Variants in IL6ST observed in about 807,000 individuals in gnomAD.
IL6ST encodes interleukin-6 receptor subunit beta.
In IL6ST, 24 loss-of-function variants were observed where a neutral mutation model predicts 91.3. That is an observed-to-expected ratio of 0.26 (90% CI 0.19 to 0.37). The LOEUF is 0.37. IL6ST is among the 10% of genes least tolerant of loss of function. The pLI, the probability that IL6ST is intolerant of heterozygous loss-of-function variation, is 1.00. For missense variants in IL6ST, 914 were observed against 1,078.5 expected, an observed-to-expected ratio of 0.85 and a Z score of 2.14; for synonymous variants, 351 against 373.6, an observed-to-expected ratio of 0.94 and a Z score of 0.70.
intron 1 of IL6ST, among the ~76,000 whole-genome samples, chr5:55,991,775 C>T (rs1754343949): frequency 6.6e-6 from 1 of 151,772 alleles, no homozygotes; most frequent in African/African-American, 2.4e-5. Context: ...CCTCAGACTC[C>T]TCCCTCAAGC....
At chr5:55,949,938 A>C (rs1397541878) in intron 14 of IL6ST, among the ~76,000 whole-genome samples, 1 of 152,190 alleles carries the variant, frequency 6.6e-6, no homozygotes, top group African/African-American at 2.4e-5. Context: ...ATGTTGGTTA[A>C]GTTTGCTTTA....
In IL6ST at chr5:55,982,824, G is replaced by A. The variant is rs1343568205; in HGVS notation, c.-103-13C>T. 4 of 398,096 alleles carry A rather than the reference G, an allele frequency of 1.0e-5. No homozygotes were observed. Among genetic ancestry groups the A allele is most frequent in the Non-Finnish European group, 1.8e-5 (4 of 225,890 alleles). 24.7% of individuals were successfully genotyped at this position (398,096 alleles called of 1,614,324 possible). ...CCATTGGGTTTCACTGTAAAGAGAG[G>A]AGAGTCTTGTTCAGAAGGCTGGCTT... is the stretch of plus-strand genomic sequence containing the variant. On this transcript the variant is annotated splice_polypyrimidine_tract_variant and intron_variant, in intron 1 of 16. Transcript: ENST00000381298.
intron 1 of IL6ST, among the ~76,000 whole-genome samples, chr5:55,985,441 C>T (rs1310105306): frequency 6.6e-6 from 1 of 150,674 alleles, no homozygotes; most frequent in African/African-American, 2.4e-5. Flanking sequence ...TGCTTGAACC[C>T]GGGAGGCAGA....
chr5:55,936,191 C>A lies in IL6ST; in HGVS notation c.*4891G>T, dbSNP rs1195012746. 8.8e-6 allele frequency: 2 copies of A among 227,040 alleles called. No homozygotes were observed. Among genetic ancestry groups the A allele is most frequent in the Admixed American group, 5.7e-5 (1 of 17,522 alleles). The allele number at this position is 227,040 out of a possible 1,614,324, so 14.1% of individuals were successfully genotyped here. The stretch of plus-strand genomic sequence containing the variant: ...AGTTTCATATACTACTTAGTAACCT[C>A]AAGAAGTAGCAGGAGGATGCCATGT... On this transcript the variant is annotated 3_prime_UTR_variant, in exon 17 of 17. Transcript: ENST00000381298.
intron 1 of IL6ST, among the ~76,000 whole-genome samples, chr5:55,986,575 T>TA (rs1228890340): frequency 6.6e-6 from 1 of 152,230 alleles, no homozygotes; most frequent in Non-Finnish European, 1.5e-5. Context: ...TAATTTGTGA[T>TA]ATGATTAGGT....
rs191156572 is a variant in IL6ST, at chr5:55,947,500, G to T, written c.1930C>A (p.Arg644=). Residue 644 remains arginine, a synonymous_variant, in exon 15 of 17, where the codon CGA becomes AGA. Coordinates refer to ENST00000381298, the MANE Select transcript of IL6ST (RefSeq NM_002184.4). ...ATGAATAAAGTTACTTACAGGTCTCGCTTATTAAAGCAGAACAGCACTCCC... is the reference window on the plus strand; with the variant it reads ...ATGAATAAAGTTACTTACAGGTCTCTCTTATTAAAGCAGAACAGCACTCCC... ...LLGVLFCFNK[R]DLIKKHIWPN... is the part of the protein sequence containing the mutation. The T allele has an allele frequency of 1.7e-5, 26 of 1,550,580 alleles. No homozygotes were observed. The African/African-American group carries it at 3.0e-4, about 18-fold the overall frequency.
rs948325640 is a variant in IL6ST, at chr5:55,990,960, A to G, written c.-104+3824T>C. On this transcript the variant is annotated intron_variant, in intron 1 of 16. Coordinates refer to ENST00000381298, the MANE Select transcript of IL6ST (RefSeq NM_002184.4). Reference sequence around the variant, plus strand: ...TGTGTCCAAGCGTTCTCATTGTTCAATTCTCACCTATGAGTGAGAACATGC... The same window carrying G: ...TGTGTCCAAGCGTTCTCATTGTTCAGTTCTCACCTATGAGTGAGAACATGC... Among the ~76,000 whole-genome samples the G allele has an allele frequency of 4.9e-5, 7 of 143,946 alleles. No individual in the cohort carries two copies. In the East Asian group the frequency reaches 6.1e-4, roughly 13 times the overall value. 94.4% of individuals were successfully genotyped at this position (143,946 alleles called of 152,430 possible).
rs1213580652 is a variant in IL6ST, at chr5:55,936,512, TATG to T, written c.*4567_*4569del. On this transcript the variant is annotated 3_prime_UTR_variant, in exon 17 of 17. Coordinates refer to ENST00000381298, the MANE Select transcript of IL6ST (RefSeq NM_002184.4). Reference sequence around the variant, plus strand: ...GGTTTTCTTTTAAATCACATTCCATTATGTCATTTAAAATGTCACAAAACCCAC... The same window carrying T: ...GGTTTTCTTTTAAATCACATTCCATTTCATTTAAAATGTCACAAAACCCAC... The T allele has an allele frequency of 2.8e-5, 6 of 212,760 alleles. No homozygotes were observed. The highest frequency in any genetic ancestry group is 5.7e-5 in the Non-Finnish European group (6 of 105,344). The allele number at this position is 212,760 out of a possible 1,614,324, so 13.2% of individuals were successfully genotyped here.
chr5:55,942,977 A>G (rs1413913332), intron 15 of IL6ST, among the ~76,000 whole-genome samples: 2 of 152,222 alleles, frequency 1.3e-5, no homozygotes, highest in African/African-American at 2.4e-5. Context: ...GAATTAACAA[A>G]GCTAAATCTA....
chr5:55,957,230 T>C lies in IL6ST; in HGVS notation c.1035A>G (p.Arg345=), dbSNP rs745481108. 2.6e-6 allele frequency: 4 copies of C among 1,555,632 alleles called. No homozygotes were observed. In the East Asian group the frequency reaches 9.2e-5, roughly 36 times the overall value. ...KIDPSHTQGY[R]TVQLVWKTLP... ...TTACCTTCCACACGAGTTGTACAGT[T>C]CTGTAGCCTTGAGTATGGGATGGAT... The change falls in exon 9 of 17, where the codon AGA becomes AGG. Residue 345 remains arginine (R), a synonymous_variant. Transcript: ENST00000381298.
In IL6ST at chr5:55,938,652, C is replaced by T. The variant is rs1305698386; in HGVS notation, c.*2430G>A. On this transcript the variant is annotated 3_prime_UTR_variant, in exon 17 of 17. Transcript: ENST00000381298. ...ACTAACTTTATTAGACTAGTTTTTA[C>T]ATAAATAACCAGATTTCTTTGCCTA... is the stretch of plus-strand genomic sequence containing the variant. 1.5e-5 allele frequency: 3 copies of T among 195,318 alleles called. No homozygotes were observed. The highest frequency in any genetic ancestry group is 6.9e-5 in the African/African-American group (3 of 43,200). The allele number at this position is 195,318 out of a possible 1,614,324, so 12.1% of individuals were successfully genotyped here.
chr5:55,979,210 T>C (rs1324369606), intron 2 of IL6ST, among the ~76,000 whole-genome samples: 2 of 151,976 alleles, frequency 1.3e-5, no homozygotes, highest in Admixed American at 6.6e-5. Flanking sequence ...CTGCACAAAA[T>C]AGTGAGACCC....
intron 5 of IL6ST, among the ~76,000 whole-genome samples, chr5:55,966,848 G>A (rs1341413662): frequency 1.3e-5 from 2 of 151,760 alleles, no homozygotes; most frequent in Non-Finnish European, 2.9e-5. Context: ...GACAACACCC[G>A]AAACCACTGC....
At chr5:55,965,607 T>G (rs1752583611) in intron 5 of IL6ST, among the ~76,000 whole-genome samples, 1 of 151,918 alleles carries the variant, frequency 6.6e-6, no homozygotes, top group Non-Finnish European at 1.5e-5. Context: ...TGGGAAAAGG[T>G]TGATTCCAGG....
intron 1 of IL6ST, among the ~76,000 whole-genome samples, chr5:55,984,007 AT>A (rs35768498): frequency 1.2e-3 from 180 of 146,370 alleles, no homozygotes; most frequent in East Asian, 3.2e-3. Flanking sequence ...CCCTTTACTG[AT>A]TTTTTTTTTT....
Position 55,938,044 on chromosome 5 carries a change from T to A in IL6ST, c.*3038A>T, listed in dbSNP as rs748007853. 1.1e-5 allele frequency: 2 copies of A among 188,410 alleles called. No homozygotes were observed. Among genetic ancestry groups the A allele is most frequent in the Non-Finnish European group, 2.2e-5 (2 of 89,362 alleles). The allele number at this position is 188,410 out of a possible 1,614,324, so 11.7% of individuals were successfully genotyped here. A position where few individuals can be genotyped will look rare whatever the true frequency, so the allele number is the denominator to read the frequency against. On this transcript the variant is annotated 3_prime_UTR_variant, in exon 17 of 17. Coordinates refer to ENST00000381298, the MANE Select transcript of IL6ST (RefSeq NM_002184.4). ...GGTAGAAAAAAGACATCTTTAATAATTGATTTCTATTTCTCAAACTAGATG... is the reference window on the plus strand; with the variant it reads ...GGTAGAAAAAAGACATCTTTAATAAATGATTTCTATTTCTCAAACTAGATG...
chr5:55,965,259 T>G (rs1362026604), intron 5 of IL6ST, among the ~76,000 whole-genome samples: 1 of 152,220 alleles, frequency 6.6e-6, no homozygotes, highest in African/African-American at 2.4e-5. Context: ...GTTATTATTC[T>G]GCAGCTGCTG....
At chr5:55,976,930 C>T (rs1407377031) in intron 2 of IL6ST, among the ~76,000 whole-genome samples, 1 of 152,148 alleles carries the variant, frequency 6.6e-6, no homozygotes, top group Non-Finnish European at 1.5e-5. Flanking sequence ...GTTAAAAGCA[C>T]ACCATAAGAC....
At chr5:55,962,617 C>T (rs1366980652) in intron 7 of IL6ST, among the ~76,000 whole-genome samples, 1 of 152,150 alleles carries the variant, frequency 6.6e-6, no homozygotes, top group East Asian at 1.9e-4. Flanking sequence ...AACTCTTCCA[C>T]TGTAGAATAG....
Sources: gnomAD v4.1 joint callset for allele counts (sites outside exome capture counted in the v4.1 genomes callset) on GRCh38, gnomAD v4.1.1 for gene constraint, MANE v1.5 for transcripts, NCBI Gene and HGNC (gene_info 2026-07-23, HGNC 2026-07-21) for gene names.